Variants in KDM4C observed in about 807,000 individuals in gnomAD.
KDM4C encodes lysine demethylase 4C.
In KDM4C, 81 loss-of-function variants were observed where a neutral mutation model predicts 129.3. That is an observed-to-expected ratio of 0.63 (90% CI 0.52 to 0.75). KDM4C has a LOEUF of 0.75. KDM4C is among the 30% of genes least tolerant of loss of function. The probability of loss-of-function intolerance (pLI) is 0.00; values close to 1 mark genes in which losing one functional copy is unlikely to be tolerated. For synonymous variants in KDM4C, 573 were observed against 456.1 expected, an observed-to-expected ratio of 1.26 and a Z score of -3.26; for missense variants, 1,457 against 1,304.0, an observed-to-expected ratio of 1.12 and a Z score of -1.81.
At chr9:6,964,967 C>CA (rs1389939202) in intron 8 of KDM4C, among the ~76,000 whole-genome samples, 1 of 151,330 alleles carries the variant, frequency 6.6e-6, no homozygotes, top group East Asian at 1.9e-4. Context: ...AAAAAAAAAG[C>CA]AAAGTGAACG....
intron 19 of KDM4C, among the ~76,000 whole-genome samples, chr9:7,164,976 C>G (rs925589959): frequency 2.0e-5 from 3 of 152,156 alleles, no homozygotes; most frequent in African/African-American, 7.2e-5. Context: ...CTAAACAATT[C>G]TTTTTCAAAT....
intron 1 of KDM4C, among the ~76,000 whole-genome samples, chr9:6,775,067 A>G (rs1199299309): frequency 6.6e-6 from 1 of 152,150 alleles, no homozygotes; most frequent in African/African-American, 2.4e-5. Context: ...TCAGAGTGCA[A>G]GTGCAGTGGC....
At chr9:6,754,016 A>G (rs149219801), upstream of KDM4C, among the ~76,000 whole-genome samples, 11,219 of 151,382 alleles carry the variant, frequency 0.074, 595 homozygotes, top group Non-Finnish European at 0.11. Flanking sequence ...CTGGGACTAC[A>G]GGCACCTGCC....
chr9:6,869,634 C>T (rs1191287628), intron 5 of KDM4C, among the ~76,000 whole-genome samples: 6 of 152,210 alleles, frequency 3.9e-5, no homozygotes, highest in Non-Finnish European at 8.8e-5. Flanking sequence ...TTCAGAATTG[C>T]CCCAAATTCA....
intron 19 of KDM4C, among the ~76,000 whole-genome samples, chr9:7,137,148 G>C (rs374637061): frequency 6.6e-6 from 1 of 152,186 alleles, no homozygotes; most frequent in Non-Finnish European, 1.5e-5. Flanking sequence ...GAAGTCTGTC[G>C]TGAGAGAGGG....
chr9:6,737,169 G>T lies in KDM4C; in HGVS notation c.49+16172G>T, dbSNP rs996922173. On this transcript the variant is annotated intron_variant, in intron 1 of 17. Coordinates refer to the KDM4C transcript ENST00000536108. ...AAATAAATATAATTAAATTGAAACA[G>T]AAAATTGACAAACGGGACCTAATTA... 4.0e-5 allele frequency among the ~76,000 whole-genome samples: 6 copies of T among 148,480 alleles called. No homozygotes were observed. In the Admixed American group the frequency reaches 4.1e-4, roughly 10 times the overall value.
At chr9:6,783,045 C>G (rs555185264) in intron 1 of KDM4C, among the ~76,000 whole-genome samples, 1 of 152,230 alleles carries the variant, frequency 6.6e-6, no homozygotes, top group African/African-American at 2.4e-5. Flanking sequence ...TGATGTTGGC[C>G]GTGCAGTAGA....
intron 4 of KDM4C, among the ~76,000 whole-genome samples, chr9:6,845,514 C>T (rs1026084062): frequency 6.6e-6 from 1 of 152,170 alleles, no homozygotes; most frequent in East Asian, 1.9e-4. Context: ...TGTGCCTGGC[C>T]TACGAGTGCT....
At chr9:6,747,118 A>G (rs1385411021) in intron 1 of KDM4C, among the ~76,000 whole-genome samples, 2 of 151,630 alleles carry the variant, frequency 1.3e-5, no homozygotes, top group Non-Finnish European at 2.9e-5. Context: ...GCTTGAGCCC[A>G]GGGAGTTGGG....
At chr9:6,805,964 CTTTAT>C (rs1829893679) in intron 3 of KDM4C, among the ~76,000 whole-genome samples, 190 bp downstream of exon 3, 2 of 152,100 alleles carry the variant, frequency 1.3e-5, no homozygotes, top group South Asian at 2.1e-4. Flanking sequence ...AGAAATTGCT[CTTTAT>C]TTTATTATCT....
At chr9:6,778,808 T>A (rs1823661410) in intron 1 of KDM4C, among the ~76,000 whole-genome samples, 1 of 116,416 alleles carries the variant, frequency 8.6e-6, no homozygotes, top group South Asian at 2.7e-4. Flanking sequence ...AGGTGGAGAT[T>A]TGGTGCCTTT....
chr9:7,025,183 G>C (rs1228448658), intron 15 of KDM4C, among the ~76,000 whole-genome samples: 1 of 152,158 alleles, frequency 6.6e-6, no homozygotes, highest in South Asian at 2.1e-4. Context: ...AGCTACTCCA[G>C]CTCTTTTTTG....
chr9:7,007,948 C>T lies in KDM4C; in HGVS notation c.1787-3750C>T, dbSNP rs1031556549. On this transcript the variant is annotated intron_variant, in intron 12 of 21. Coordinates refer to ENST00000381309, the MANE Select transcript of KDM4C (RefSeq NM_015061.6). ...AATAGGACTTCACAGCGCTTGTCCCCTGGCAGAAACATCGATTTAACAACT... is the reference window on the plus strand; with the variant it reads ...AATAGGACTTCACAGCGCTTGTCCCTTGGCAGAAACATCGATTTAACAACT... Among the ~76,000 whole-genome samples the T allele has an allele frequency of 5.9e-5, 9 of 152,260 alleles. No homozygotes were observed. In the East Asian group the frequency reaches 1.5e-3, roughly 26 times the overall value.
chr9:7,096,863 T>C (rs1292694956), intron 17 of KDM4C, among the ~76,000 whole-genome samples: 1 of 152,020 alleles, frequency 6.6e-6, no homozygotes, highest in East Asian at 1.9e-4. Context: ...AGTCCTAATT[T>C]CCACCTAAAA....
intron 17 of KDM4C, among the ~76,000 whole-genome samples, chr9:7,058,942 C>A (rs2132662302): frequency 6.6e-6 from 1 of 152,012 alleles, no homozygotes; most frequent in East Asian, 1.9e-4. Flanking sequence ...AAGTGAATGA[C>A]AAGATTTGTT....
intron 15 of KDM4C, among the ~76,000 whole-genome samples, chr9:7,037,864 A>T (rs762747345): frequency 6.6e-6 from 1 of 152,106 alleles, no homozygotes; most frequent in African/African-American, 2.4e-5. Context: ...GTTTTGGGGA[A>T]CATTGGCTGA....
intron 1 of KDM4C, among the ~76,000 whole-genome samples, chr9:6,776,463 C>A (rs1434955655): frequency 1.3e-5 from 2 of 152,032 alleles, no homozygotes; most frequent in Admixed American, 6.6e-5. Flanking sequence ...GAGTTTCCAC[C>A]ATGTTGGCCA....
At chr9:6,731,417 C>G (rs1817331434) in intron 1 of KDM4C, among the ~76,000 whole-genome samples, 1 of 151,250 alleles carries the variant, frequency 6.6e-6, no homozygotes, top group Non-Finnish European at 1.5e-5. Context: ...ACCTCCACCT[C>G]CCAGGTTCAA....
chr9:6,824,157 T>C (rs1432578086), intron 4 of KDM4C, among the ~76,000 whole-genome samples: 1 of 152,186 alleles, frequency 6.6e-6, no homozygotes, highest in Non-Finnish European at 1.5e-5. Flanking sequence ...TAGCAAATAG[T>C]TGGAAAATGA....
Sources: gnomAD v4.1 joint callset for allele counts (sites outside exome capture counted in the v4.1 genomes callset) on GRCh38, gnomAD v4.1.1 for gene constraint, MANE v1.5 for transcripts, NCBI Gene and HGNC (gene_info 2026-07-23, HGNC 2026-07-21) for gene names.